The following CHIA variants were observed in gnomAD, a reference collection of about 807,000 sequenced individuals.
CHIA encodes the protein acidic mammalian chitinase.
CHIA carries 47 observed loss-of-function variants against 53.5 expected under a neutral mutation model. That is an observed-to-expected ratio of 0.88 (90% confidence interval 0.70 to 1.12). The LOEUF (loss-of-function observed/expected upper bound fraction) is 1.12. CHIA is among the 50% of genes most tolerant of loss of function. CHIA has a pLI of 0.00. For synonymous variants in CHIA, 268 were observed against 222.2 expected (o/e 1.21, Z -1.83); for missense variants, 652 against 592.2 (o/e 1.10, Z -1.05).
rs1648569211 is a variant in CHIA, at chr1:111,310,433, TA to T, written c.-30del. On this transcript the variant is annotated 5_prime_UTR_variant, in exon 2 of 12. Transcript: ENST00000369740. Reference sequence around the variant, plus strand: ...GTGATAACCACAGAATCAGAACATATAAAAAGCTCTGCGGGACTGGTGCTGA... The same window carrying T: ...GTGATAACCACAGAATCAGAACATATAAAAGCTCTGCGGGACTGGTGCTGA... 7.4e-7 allele frequency: 1 copy of T among 1,354,728 alleles called. No individual in the cohort carries two copies. Among genetic ancestry groups the T allele is most frequent in the South Asian group, 1.2e-5 (1 of 81,170 alleles). 83.9% of individuals were successfully genotyped at this position (1,354,728 alleles called of 1,614,324 possible). A position where few individuals can be genotyped will look rare whatever the true frequency, so the allele number is the denominator to read the frequency against.
chr1:111,318,331 C>T (rs1169107014), intron 8 of CHIA, among the ~76,000 whole-genome samples, 162 bp from the exon 9 acceptor site: 1 of 152,132 alleles, frequency 6.6e-6, no homozygotes, highest in Non-Finnish European at 1.5e-5. Flanking sequence ...TCAAGTTGAT[C>T]GTATTTCATT....
At chr1:111,301,466 G>A (rs565093352) in intron 1 of CHIA, among the ~76,000 whole-genome samples, 12 of 152,122 alleles carry the variant, frequency 7.9e-5, no homozygotes, top group East Asian at 1.9e-4. Context: ...TTGGGAGGCC[G>A]AGGTGGGCAG....
rs762901024 is a variant in CHIA at position 111,320,274 on chromosome 1, C to A, written c.1239C>A (p.Asn413Lys). 2.5e-6 allele frequency: 4 copies of A among 1,613,996 alleles called. No homozygotes were observed. Among genetic ancestry groups the A allele is most frequent in the Middle Eastern group, 1.6e-4 (1 of 6,080 alleles). ...PITAAPSGSG[N>K]GSGSSSSGGS... ...CTGCTGCTCCCAGTGGCAGCGGGAA[C>A]GGGAGCGGGAGTAGCAGCTCTGGAG... The change falls in exon 12 of 12, where the codon AAC becomes AAA. Residue 413 changes from asparagine to lysine, a missense_variant. Transcript: ENST00000369740.
chr1:111,319,625 C>T (rs534800335), intron 11 of CHIA, among the ~76,000 whole-genome samples, 157 bp downstream of exon 11: 12 of 152,334 alleles, frequency 7.9e-5, no homozygotes, highest in Admixed American at 4.6e-4. Context: ...TACCCTTGAA[C>T]GGCCATGTCA....
chr1:111,311,168 G>A (rs1441589421), intron 2 of CHIA, among the ~76,000 whole-genome samples: 1 of 152,190 alleles, frequency 6.6e-6, no homozygotes, highest in Non-Finnish European at 1.5e-5. Context: ...CAGAGTAGAA[G>A]AATTGCTTTG....
chr1:111,293,436 T>C (rs181948091), intron 1 of CHIA, among the ~76,000 whole-genome samples: 1 of 151,642 alleles, frequency 6.6e-6, no homozygotes, highest in Non-Finnish European at 1.5e-5. Flanking sequence ...GTTGTTTGGT[T>C]GTGTGTGTGT....
At chr1:111,320,069 C>A in intron 11 of CHIA, 144 bp from the exon 12 acceptor site, 1 of 667,662 alleles carries the variant, frequency 1.5e-6, no homozygotes. Flanking sequence ...GAATATGGAG[C>A]TACTTTCTCT....
chr1:111,318,626 C>T lies in CHIA; in HGVS notation c.863C>T (p.Ala288Val), dbSNP rs61748620. The T allele has an allele frequency of 1.3e-4, 206 of 1,614,178 alleles. 3 individuals are homozygous for T. In the African/African-American group the frequency reaches 2.4e-3, roughly 19 times the overall value. ...NTGIGAPTSG[A>V]GPAGPYAKES... ...GGAATTGGTGCCCCCACCTCTGGTG[C>T]TGGTCCTGCTGGGCCCTATGCCAAG... Residue 288 changes from alanine (A) to valine (V), a missense_variant, in exon 9 of 12, where the codon GCT becomes GTT. Coordinates refer to ENST00000369740, the MANE Select transcript of CHIA (RefSeq NM_201653.4).
chr1:111,293,909 G>C (rs912493578), intron 1 of CHIA, among the ~76,000 whole-genome samples: 1 of 152,040 alleles, frequency 6.6e-6, no homozygotes, highest in African/African-American at 2.4e-5. Context: ...GCAAAACCCT[G>C]TTCCTATAAA....
At chr1:111,304,481 A>C (rs775859536) in intron 1 of CHIA, among the ~76,000 whole-genome samples, 3 of 151,876 alleles carry the variant, frequency 2.0e-5, no homozygotes, top group Admixed American at 2.0e-4. Flanking sequence ...TCCTATCTTC[A>C]TGTTTACCAA....
chr1:111,310,900 G>A (rs1194256887), intron 2 of CHIA, among the ~76,000 whole-genome samples: 1 of 152,194 alleles, frequency 6.6e-6, no homozygotes, highest in Non-Finnish European at 1.5e-5. Context: ...AGTAGGAACT[G>A]AGATAGAGTT....
intron 1 of CHIA, among the ~76,000 whole-genome samples, chr1:111,303,650 C>A (rs995608171): frequency 1.3e-5 from 2 of 152,082 alleles, no homozygotes; most frequent in African/African-American, 4.8e-5. Context: ...ATTCCCTACC[C>A]CTTTCAGTTG....
intron 1 of CHIA, among the ~76,000 whole-genome samples, chr1:111,308,694 A>T (rs1392292403): frequency 6.6e-6 from 1 of 152,118 alleles, no homozygotes; most frequent in African/African-American, 2.4e-5. Flanking sequence ...TTTCCCCAGG[A>T]TTTAATTCTT....
chr1:111,311,840 T>C (rs905723593), intron 3 of CHIA, 122 bp downstream of exon 3: 1 of 1,045,250 alleles, frequency 9.6e-7, no homozygotes, highest in African/African-American at 1.6e-5. Context: ...AATCTAGTGT[T>C]TTGGATTGGC....
In CHIA at chr1:111,318,075, C is replaced by T. The variant is rs376497990; in HGVS notation, c.695C>T (p.Pro232Leu). 3.0e-5 allele frequency: 49 copies of T among 1,613,424 alleles called. No homozygotes were observed. Among genetic ancestry groups the T allele is most frequent in the African/African-American group, 6.7e-5 (5 of 74,876 alleles). ...GAGAACAGCCCCCTCTACAAATACC[C>T]GACTGACACCGGCAGCAACGCCTAC... ...TGENSPLYKYPTDTGSNAYLN... is the reference protein window; with the variant it reads ...TGENSPLYKYLTDTGSNAYLN... Residue 232 changes from proline to leucine, a missense_variant, in exon 8 of 12, where the codon CCG (proline) becomes CTG (leucine). Coordinates refer to ENST00000369740, the MANE Select transcript of CHIA (RefSeq NM_201653.4).
chr1:111,319,501 A>G (rs1223953672), intron 11 of CHIA, 33 bp downstream of exon 11: 4 of 1,607,324 alleles, frequency 2.5e-6, no homozygotes, highest in East Asian at 4.5e-5. Flanking sequence ...CCAGGTGTAT[A>G]AATACCCCTT....
intron 11 of CHIA, 32 bp downstream of exon 11, chr1:111,319,500 T>C (rs1161081136): frequency 2.5e-6 from 4 of 1,607,714 alleles, no homozygotes; most frequent in Admixed American, 1.7e-5. Context: ...CCCAGGTGTA[T>C]AAATACCCCT....
chr1:111,307,625 AG>A (rs1246127827), intron 1 of CHIA, among the ~76,000 whole-genome samples: 7 of 151,666 alleles, frequency 4.6e-5, no homozygotes, highest in Non-Finnish European at 7.4e-5. Flanking sequence ...GATGGAGAAA[AG>A]GTTTTCATTT....
chr1:111,304,908 T>G (rs1238101705), intron 1 of CHIA, among the ~76,000 whole-genome samples: 1 of 152,172 alleles, frequency 6.6e-6, no homozygotes, highest in East Asian at 1.9e-4. Context: ...TTTTTGTTAC[T>G]GTTTTGGTTT....
Sources: allele counts gnomAD v4.1 joint callset (sites outside exome capture counted in the v4.1 genomes callset), GRCh38; gene constraint gnomAD v4.1.1; transcripts MANE v1.5; gene names NCBI Gene and HGNC (gene_info 2026-07-23, HGNC 2026-07-21).